Variants in SUGCT observed in about 807,000 individuals in gnomAD.
The protein encoded by SUGCT is succinyl-CoA:glutarate-CoA transferase, also known as succinyl-CoA:glutarate CoA-transferase.
SUGCT carries 41 observed loss-of-function variants against 55.0 expected under a neutral mutation model. The ratio of observed to expected loss-of-function variants is 0.74; its 90% CI spans 0.58 to 0.97. SUGCT has a LOEUF of 0.97. Among genes scored for constraint, SUGCT ranks in the 50% least tolerant of loss-of-function variants. The pLI, the probability that SUGCT is intolerant of heterozygous loss-of-function variation, is 0.00. For synonymous variants in SUGCT, 187 were observed against 200.4 expected (o/e 0.93, Z 0.56); for missense variants, 568 against 547.8 (o/e 1.04, Z -0.37).
At chr7:40,162,835 A>G (rs1014524159) in intron 1 of SUGCT, among the ~76,000 whole-genome samples, 1 of 152,172 alleles carries the variant, frequency 6.6e-6, no homozygotes, top group Non-Finnish European at 1.5e-5. Context: ...CACTAAAAGG[A>G]CAGTGAAACA....
chr7:40,974,772 T>C, the SUGCT span, among the ~76,000 whole-genome samples: 3 of 152,176 alleles, frequency 2.0e-5, no homozygotes, highest in African/African-American at 7.2e-5. Context: ...AATCTCTTCT[T>C]GGGAAAGCAC....
At chr7:40,792,410 C>T (rs944191567) in intron 13 of SUGCT, among the ~76,000 whole-genome samples, 1 of 152,060 alleles carries the variant, frequency 6.6e-6, no homozygotes, top group Non-Finnish European at 1.5e-5. Flanking sequence ...GTCAAAAGCC[C>T]TACATTTTCT....
chr7:40,469,650 C>T (rs1393237218), intron 11 of SUGCT, among the ~76,000 whole-genome samples: 1 of 151,962 alleles, frequency 6.6e-6, no homozygotes, highest in Non-Finnish European at 1.5e-5. Context: ...TAGGAGAATT[C>T]TTTGTGACTG....
chr7:40,195,038 C>T lies in SUGCT; in HGVS notation c.462C>T (p.His154=), dbSNP rs747710000. ...GYEDIDEIAP[H]IIYCSITGYG... ...AAGATATAGACGAGATTGCTCCTCA[C>T]ATCATCTATTGTTCCATCACAGGTA... Residue 154 remains histidine (H), a synonymous_variant, in exon 6 of 14, where the codon CAC becomes CAT. Coordinates refer to ENST00000335693, the MANE Select transcript of SUGCT (RefSeq NM_001193313.2). 1.2e-5 allele frequency: 20 copies of T among 1,613,446 alleles called. No individual in the cohort carries two copies. The highest frequency in any genetic ancestry group is 1.6e-5 in the Non-Finnish European group (19 of 1,179,716).
chr7:40,957,626 G>A, the SUGCT span, among the ~76,000 whole-genome samples: 1 of 151,762 alleles, frequency 6.6e-6, no homozygotes, highest in African/African-American at 2.4e-5. Flanking sequence ...TTTAATTGGG[G>A]TATTTAGCTG....
At chr7:40,565,981 ACACACACACACG>A (rs1193321252) in intron 12 of SUGCT, among the ~76,000 whole-genome samples, 3,081 of 112,700 alleles carry the variant, frequency 0.027, 102 homozygotes, top group African/African-American at 0.11. Context: ...ACACACACAC[ACACACACACACG>A]CACACACACA....
chr7:40,965,161 C>G, the SUGCT span: 3 of 152,152 alleles, frequency 2.0e-5, no homozygotes, highest in Non-Finnish European at 4.4e-5. Flanking sequence ...ATGTGAGGCC[C>G]CACCAGCCTG....
the SUGCT span, among the ~76,000 whole-genome samples, chr7:40,902,159 G>T: frequency 6.6e-6 from 1 of 152,220 alleles, no homozygotes; most frequent in Non-Finnish European, 1.5e-5. Flanking sequence ...ACCGTGAAAT[G>T]AGTGTTCAGG....
chr7:40,349,585 T>G (rs143570034), intron 9 of SUGCT, among the ~76,000 whole-genome samples: 1 of 152,324 alleles, frequency 6.6e-6, no homozygotes, highest in Non-Finnish European at 1.5e-5. Context: ...ATCCCTGTGT[T>G]CAACTACTTA....
At chr7:40,710,674 G>GA (rs1186308679) in intron 12 of SUGCT, among the ~76,000 whole-genome samples, 13 of 151,884 alleles carry the variant, frequency 8.6e-5, no homozygotes, top group African/African-American at 3.1e-4. Context: ...ACTAGTCTAG[G>GA]AAAAAAAGAG....
At chr7:40,406,349 G>A (rs1786370389) in intron 9 of SUGCT, among the ~76,000 whole-genome samples, 1 of 152,252 alleles carries the variant, frequency 6.6e-6, no homozygotes, top group Non-Finnish European at 1.5e-5. Flanking sequence ...TGACTTGTGA[G>A]CCATAATTTC....
chr7:40,366,953 G>A (rs1256234620), intron 9 of SUGCT, among the ~76,000 whole-genome samples: 1 of 152,146 alleles, frequency 6.6e-6, no homozygotes, highest in Non-Finnish European at 1.5e-5. Flanking sequence ...CTGCTATGAA[G>A]ACACATGCAC....
At chr7:40,363,573 C>G (rs1798261506) in intron 9 of SUGCT, among the ~76,000 whole-genome samples, 1 of 152,136 alleles carries the variant, frequency 6.6e-6, no homozygotes, top group Admixed American at 6.6e-5. Context: ...ATTATGTACC[C>G]AGCAGTCATT....
the SUGCT span, among the ~76,000 whole-genome samples, chr7:40,920,309 GCTT>G: frequency 6.6e-6 from 1 of 152,116 alleles, no homozygotes; most frequent in Non-Finnish European, 1.5e-5. Context: ...CGTTGAATTG[GCTT>G]CTTCTGTGAG....
intron 12 of SUGCT, among the ~76,000 whole-genome samples, chr7:40,706,561 G>A (rs1458774892): frequency 6.6e-6 from 1 of 152,164 alleles, no homozygotes; most frequent in African/African-American, 2.4e-5. Context: ...GGGAAATGTG[G>A]TCATTGTGAG....
chr7:40,893,980 A>C, the SUGCT span, among the ~76,000 whole-genome samples: 6 of 151,576 alleles, frequency 4.0e-5, no homozygotes, highest in African/African-American at 1.5e-4. Flanking sequence ...AGACTCACTT[A>C]TACCTGGGAG....
intron 13 of SUGCT, among the ~76,000 whole-genome samples, chr7:40,854,869 G>C (rs6952729): frequency 0.19 from 28,631 of 151,798 alleles, 3,719 homozygotes; most frequent in East Asian, 0.69. Flanking sequence ...CCAGGAGCTC[G>C]AGGCCGCAGT....
chr7:40,850,715 ATTCC>A (rs1378069392), intron 13 of SUGCT, among the ~76,000 whole-genome samples: 1 of 152,198 alleles, frequency 6.6e-6, no homozygotes, highest in African/African-American at 2.4e-5. Flanking sequence ...GAAATGGTTG[ATTCC>A]TTCCTTCCTT....
the SUGCT span, among the ~76,000 whole-genome samples, chr7:40,949,529 C>T: frequency 1.3e-5 from 2 of 152,068 alleles, no homozygotes; most frequent in African/African-American, 2.4e-5. Context: ...AAGTCTTTGC[C>T]CATGCTTATG....
Sources: allele counts gnomAD v4.1 joint callset (sites outside exome capture counted in the v4.1 genomes callset), GRCh38; gene constraint gnomAD v4.1.1; transcripts MANE v1.5; gene names NCBI Gene and HGNC (gene_info 2026-07-23, HGNC 2026-07-21).